Variants in RETN observed in about 807,000 individuals in gnomAD.
RETN encodes the protein C/EBP-epsilon regulated myeloid-specific secreted cysteine-rich protein precursor 1.
Under a neutral mutation model 6.1 loss-of-function variants are expected in RETN, and 5 were observed. That is an observed-to-expected ratio of 0.82 (90% confidence interval 0.43 to 1.73). The LOEUF (loss-of-function observed/expected upper bound fraction) is 1.73, where lower values mean the gene tolerates loss of function less well. RETN is among the 40% of genes most tolerant of loss of function. RETN has a pLI of 0.02. For synonymous variants in RETN, 62 were observed against 59.2 expected (o/e 1.05, Z -0.22); for missense variants, 168 against 142.5 (o/e 1.18, Z -0.91).
rs1239377575 is a variant in RETN at position 7,669,354 on chromosome 19, C to T, written c.28C>T (p.Pro10Ser). MKALCLLLL[P>S]VLGLLVSSKT... is the part of the protein sequence containing the mutation. ...GAAAGCTCTCTGTCTCCTCCTCCTC[C>T]CTGTCCTGGGGCTGTTGGTGTCTAG... Residue 10 changes from proline to serine, a missense_variant, in exon 2 of 4, where the codon CCT (proline) becomes TCT (serine). Transcript: ENST00000221515. The T allele has an allele frequency of 2.5e-6, 4 of 1,613,942 alleles. No homozygotes were observed. In the South Asian group the frequency reaches 3.3e-5, roughly 13 times the overall value.
intron 2 of RETN, 69 bp from the exon 3 acceptor site, chr19:7,669,752 T>G: frequency 7.1e-7 from 1 of 1,410,502 alleles, no homozygotes; most frequent in Non-Finnish European, 1.0e-6. Context: ...CCAACAGGGC[T>G]AGGGGAGGAT....
rs556917180 is a variant in RETN at position 7,669,573 on chromosome 19, A to G, written c.118+129A>G. On this transcript the variant is annotated intron_variant, in intron 2 of 3. Transcript: ENST00000221515. ...ATCCTCAAATCCAACCAGATCATAA[A>G]TTCAACCCCAACTCCACTCCCAACC... is the stretch of plus-strand genomic sequence containing the variant. The G allele has an allele frequency of 5.1e-6, 4 of 789,804 alleles. No homozygotes were observed. The African/African-American group carries it at 6.8e-5, about 13-fold the overall frequency. The allele number at this position is 789,804 out of a possible 1,614,324, so 48.9% of individuals were successfully genotyped here. A position where few individuals can be genotyped will look rare whatever the true frequency, so the allele number is the denominator to read the frequency against.
At position 7,669,854 on chromosome 19, in the gene RETN, G is replaced by A. The variant is rs759129635; in HGVS notation, c.152G>A (p.Cys51Tyr). The part of the protein sequence containing the change: ...FRAISSIGLE[C>Y]QSVTSRGDLA... ...GCAATAAGCAGCATTGGCCTGGAGT[G>A]CCAGAGCGTCACCTCCAGGGGGGAC... Residue 51 changes from cysteine (C) to tyrosine (Y), a missense_variant, in exon 3 of 4, where the codon TGC becomes TAC. Cys to Tyr is a radical substitution (Grantham distance 194). Coordinates refer to ENST00000221515, the MANE Select transcript of RETN (RefSeq NM_020415.4). The A allele has an allele frequency of 1.9e-6, 3 of 1,614,140 alleles. No individual in the cohort carries two copies. Among genetic ancestry groups the A allele is most frequent in the South Asian group, 1.1e-5 (1 of 91,078 alleles).
intron 2 of RETN, 98 bp from the exon 3 acceptor site, chr19:7,669,723 A>G: frequency 9.1e-7 from 1 of 1,096,514 alleles, no homozygotes; most frequent in Non-Finnish European, 1.4e-6. Context: ...TCCTATGCCC[A>G]CAGGGACCTA....
In RETN at chr19:7,670,337, T is replaced by A. The variant is rs766229984; in HGVS notation, c.315T>A (p.Arg105=). The A allele has an allele frequency of 1.9e-6, 3 of 1,555,852 alleles. No individual in the cohort carries two copies. Among genetic ancestry groups the A allele is most frequent in the South Asian group, 2.3e-5 (2 of 85,910 alleles). The change falls in exon 4 of 4, where the codon CGT becomes CGA. Residue 105 remains arginine, a synonymous_variant. Coordinates refer to ENST00000221515, the MANE Select transcript of RETN (RefSeq NM_020415.4). ...ACTGGACCGGAGCGCGCTGCTGTCG[T>A]GTGCAGCCCTGAGGTCGCGCGCAGC... ...GMDWTGARCC[R]VQP is the part of the protein sequence containing the mutation.
Position 7,669,833 on chromosome 19 carries a change from T to A in RETN, c.131T>A (p.Ile44Lys). The A allele has an allele frequency of 6.2e-7, 1 of 1,614,046 alleles. No individual in the cohort carries two copies. The highest frequency in any genetic ancestry group is 8.5e-7 in the Non-Finnish European group (1 of 1,179,972). ...TCCTGCCCCCCAGTATTTAGGGCAA[T>A]AAGCAGCATTGGCCTGGAGTGCCAG... ...EVAGSLIFRA[I>K]SSIGLECQSV... The change falls in exon 3 of 4, where the codon ATA (isoleucine) becomes AAA (lysine). Residue 44 changes from isoleucine (I) to lysine (K), a missense_variant. Coordinates refer to ENST00000221515, the MANE Select transcript of RETN (RefSeq NM_020415.4).
chr19:7,670,113 T>TCCCCCCCCCCCCCCCCCCCCCCCCCC, intron 3 of RETN, 106 bp from the exon 4 acceptor site: 1 of 465,518 alleles, frequency 2.1e-6, no homozygotes, highest in Non-Finnish European at 3.9e-6. Context: ...GCCGTCCCCG[T>TCCCCCCCCCCCCCCCCCCCCCCCCCC]CCCCACCCCC....
At position 7,670,278 on chromosome 19, in the gene RETN, G is replaced by A. The variant is rs1214775395; in HGVS notation, c.256G>A (p.Glu86Lys). ...SACGSWDVRA[E>K]TTCHCQCAGM... ...CTGTGGCTCGTGGGATGTGCGCGCC[G>A]AGACCACATGTCACTGCCAGTGCGC... Residue 86 changes from glutamate (E) to lysine (K), a missense_variant, in exon 4 of 4, where the codon GAG becomes AAG. Glu to Lys is a moderately conservative substitution (Grantham distance 56, BLOSUM62 1). Transcript: ENST00000221515. 2 of 1,595,142 alleles carry A rather than the reference G, an allele frequency of 1.3e-6. No individual in the cohort carries two copies. The highest frequency in any genetic ancestry group is 1.7e-6 in the Non-Finnish European group (2 of 1,175,934).
Position 7,669,389 on chromosome 19 carries a change from G to C in RETN, c.63G>C (p.Leu21=), listed in dbSNP as rs761696775. 6.8e-6 allele frequency: 11 copies of C among 1,613,998 alleles called. No individual in the cohort carries two copies. Among genetic ancestry groups the C allele is most frequent in the Non-Finnish European group, 9.3e-6 (11 of 1,179,996 alleles). ...VLGLLVSSKT[L]CSMEEAINER... is the part of the protein sequence containing the mutation. ...GGCTGTTGGTGTCTAGCAAGACCCT[G>C]TGCTCCATGGAAGAAGCCATCAATG... is the stretch of plus-strand genomic sequence containing the variant. The change falls in exon 2 of 4, where the codon CTG becomes CTC. Residue 21 remains leucine (L), a synonymous_variant. Transcript: ENST00000221515.
At position 7,669,121 on chromosome 19, in the gene RETN, G is replaced by T. The variant is rs898161701; in HGVS notation, c.-11G>T. 1.5e-4 allele frequency: 84 copies of T among 572,514 alleles called. No homozygotes were observed. In the East Asian group the frequency reaches 2.4e-3, roughly 17 times the overall value. The allele number at this position is 572,514 out of a possible 1,614,324, so 35.5% of individuals were successfully genotyped here. A position where few individuals can be genotyped will look rare whatever the true frequency, so the allele number is the denominator to read the frequency against. ...TTTGGTTAGCTGAGCCCACCGAGAG[G>T]GTAAGTGACAGCTGCTCCTGCGCTT... On this transcript the variant is annotated splice_region_variant and 5_prime_UTR_variant, in exon 1 of 4. Transcript: ENST00000221515.
intron 1 of RETN, 75 bp from the exon 2 acceptor site, chr19:7,669,242 A>G: frequency 9.8e-7 from 1 of 1,021,492 alleles, no homozygotes. Flanking sequence ...GGCAGATCCT[A>G]CTCCCTCCAT....
In RETN at chr19:7,670,251, G is replaced by T. The variant is rs563874618; in HGVS notation, c.229G>T (p.Ala77Ser). ...FAVTGCTCGS[A>S]CGSWDVRAET... ...CGTCACCGGCTGCACTTGTGGCTCC[G>T]CCTGTGGCTCGTGGGATGTGCGCGC... is the stretch of plus-strand genomic sequence containing the variant. The change falls in exon 4 of 4, where the codon GCC becomes TCC. Residue 77 changes from alanine to serine, a missense_variant. Ala to Ser is a moderately conservative substitution (Grantham distance 99, BLOSUM62 1). Coordinates refer to ENST00000221515, the MANE Select transcript of RETN (RefSeq NM_020415.4). 1.2e-6 allele frequency: 2 copies of T among 1,602,620 alleles called. No homozygotes were observed. The highest frequency in any genetic ancestry group is 1.1e-5 in the South Asian group (1 of 90,526).
In RETN at chr19:7,669,308, C is replaced by T. The variant is rs746690869; in HGVS notation, c.-10-9C>T. The T allele has an allele frequency of 6.3e-7, 1 of 1,596,740 alleles. No individual in the cohort carries two copies. The stretch of plus-strand genomic sequence containing the variant: ...ATCCAGCTGTGGGTCTCTTGGTTCC[C>T]TCTTTCAGCGCCTGCAGGATGAAAG... On this transcript the variant is annotated splice_polypyrimidine_tract_variant and intron_variant, in intron 1 of 3. Coordinates refer to ENST00000221515, the MANE Select transcript of RETN (RefSeq NM_020415.4).
intron 3 of RETN, 106 bp from the exon 4 acceptor site, chr19:7,670,113 T>TGCCCCCC: frequency 1.5e-5 from 7 of 465,516 alleles, no homozygotes; most frequent in Non-Finnish European, 2.0e-5. Context: ...GCCGTCCCCG[T>TGCCCCCC]CCCCACCCCC....
chr19:7,669,782 C>G, intron 2 of RETN, 39 bp from the exon 3 acceptor site: 1 of 1,584,974 alleles, frequency 6.3e-7, no homozygotes, highest in Non-Finnish European at 8.7e-7. Context: ...ACCGTTTGGT[C>G]TCACAGCTCC....
chr19:7,670,112 G>GGGGCCC, intron 3 of RETN, 107 bp from the exon 4 acceptor site: 1 of 579,170 alleles, frequency 1.7e-6, no homozygotes. Context: ...AGCCGTCCCC[G>GGGGCCC]TCCCCACCCC....
chr19:7,669,274 G>A, intron 1 of RETN, 43 bp from the exon 2 acceptor site: 2 of 1,385,974 alleles, frequency 1.4e-6, no homozygotes, highest in African/African-American at 2.8e-5. Context: ...TCCCCACAGG[G>A]CAGGGCTGAT....
intron 2 of RETN, 48 bp downstream of exon 2, chr19:7,669,492 C>A: frequency 7.6e-7 from 1 of 1,316,180 alleles, no homozygotes; most frequent in Non-Finnish European, 1.1e-6. Flanking sequence ...TCAGAGACCT[C>A]ACTGATCCCT....
intron 2 of RETN, 75 bp downstream of exon 2, chr19:7,669,519 C>T (rs766508998): frequency 6.9e-5 from 73 of 1,054,440 alleles, no homozygotes; most frequent in Non-Finnish European, 1.1e-4. Context: ...GACCTGACTC[C>T]AACCCAGCCC....
Sources: gnomAD v4.1 joint callset for allele counts on GRCh38, gnomAD v4.1.1 for gene constraint, MANE v1.5 for transcripts, NCBI Gene and HGNC (gene_info 2026-07-23, HGNC 2026-07-21) for gene names.